The following MLLT6 variants were observed in gnomAD, a reference collection of about 807,000 sequenced individuals.
MLLT6 encodes MLLT6, PHD finger containing, also known as protein AF-17.
Under a neutral mutation model 103.0 loss-of-function variants are expected in MLLT6, and 22 were observed. That is an observed-to-expected ratio of 0.21 (90% CI 0.15 to 0.31). The LOEUF is 0.31. Ranked by LOEUF, MLLT6 falls within the 10% of genes least tolerant of loss-of-function variation. The pLI, the probability that MLLT6 is intolerant of heterozygous loss-of-function variation, is 1.00. For synonymous variants in MLLT6, 606 were observed against 623.5 expected (o/e 0.97, Z 0.42); for missense variants, 1,199 against 1,441.7 (o/e 0.83, Z 2.73).
rs368162508 is a variant in MLLT6 at position 38,709,193 on chromosome 17, G to A, written c.375G>A (p.Glu125=). 3.7e-6 allele frequency: 6 copies of A among 1,611,422 alleles called. No homozygotes were observed. Among genetic ancestry groups the A allele is most frequent in the East Asian group, 2.2e-5 (1 of 44,868 alleles). Residue 125 remains glutamate, a synonymous_variant, in exon 5 of 20, where the codon GAG becomes GAA. Coordinates refer to ENST00000621332, the MANE Select transcript of MLLT6 (RefSeq NM_005937.4). This position sits in a 1 kb window ranked among gnomAD's most constrained non-coding sequence, Gnocchi z 4.3. ...TGCAGACCTGTTACATCTGCGAGGA[G>A]CAGGGCCGGGAGAGCAAGGCGGCCT... ...RFNKTCYICE[E]QGRESKAASG...
At chr17:38,712,884 G>C in intron 8 of MLLT6, 95 bp downstream of exon 8, 1 of 856,154 alleles carries the variant, frequency 1.2e-6, no homozygotes, top group Non-Finnish European at 2.0e-6. Context: ...AGGGACCTGG[G>C]CACCCTCCCC....
intron 10 of MLLT6, 80 bp from the exon 11 acceptor site, chr17:38,717,352 A>T: frequency 8.6e-7 from 1 of 1,164,026 alleles, no homozygotes. Flanking sequence ...CGAGCTGGGG[A>T]GGGGCTGTCA....
chr17:38,721,895 C>T lies in MLLT6; in HGVS notation c.2460C>T (p.Cys820=). 6.3e-7 allele frequency: 1 copy of T among 1,578,544 alleles called. No individual in the cohort carries two copies. ...CTCCCCAGGACCCACACTCAGGCTG[C>T]CCGAGCCGCAGCAGCTCGTCGCTGT... The part of the protein sequence containing the change: ...STSSEDPHSG[C]PSRSSSSLSF... The change falls in exon 17 of 20, where the codon TGC becomes TGT. Residue 820 remains cysteine, a synonymous_variant. Coordinates refer to ENST00000621332, the MANE Select transcript of MLLT6 (RefSeq NM_005937.4).
chr17:38,727,756 C>T lies in MLLT6; in HGVS notation c.*2158C>T, dbSNP rs1447881152. On this transcript the variant is annotated 3_prime_UTR_variant, in exon 20 of 20. Transcript: ENST00000621332. ...GCTGCAGTGAGCCAAGATTGTGCCACTGCACTCCAGCCTGTGTGAGAGAGT... is the reference window on the plus strand; with the variant it reads ...GCTGCAGTGAGCCAAGATTGTGCCATTGCACTCCAGCCTGTGTGAGAGAGT... 3.2e-5 allele frequency: 7 copies of T among 216,660 alleles called. No individual in the cohort carries two copies. Among genetic ancestry groups the T allele is most frequent in the Admixed American group, 1.2e-4 (2 of 17,222 alleles). 13.4% of individuals were successfully genotyped at this position (216,660 alleles called of 1,614,324 possible). A position where few individuals can be genotyped will look rare whatever the true frequency, so the allele number is the denominator to read the frequency against.
rs904229397 is a variant in MLLT6, at chr17:38,719,962, G to C, written c.2155+67G>C. On this transcript the variant is annotated intron_variant, in intron 14 of 19. Coordinates refer to ENST00000621332, the MANE Select transcript of MLLT6 (RefSeq NM_005937.4). Reference sequence around the variant, plus strand: ...CCTAACAGTCACCTTTCTCCCCGAGGTCCCCAAGCTTCTTTAAGGTTCCGC... The same window carrying C: ...CCTAACAGTCACCTTTCTCCCCGAGCTCCCCAAGCTTCTTTAAGGTTCCGC... 6 of 1,486,284 alleles carry C rather than the reference G, an allele frequency of 4.0e-6. No homozygotes were observed. The African/African-American group carries it at 8.4e-5, about 21-fold the overall frequency. The allele number at this position is 1,486,284 out of a possible 1,614,324, so 92.1% of individuals were successfully genotyped here.
rs1208041423 is a variant in MLLT6, at chr17:38,728,224, C to T, written c.*2626C>T. 4.3e-6 allele frequency: 1 copy of T among 233,378 alleles called. No individual in the cohort carries two copies. Among genetic ancestry groups the T allele is most frequent in the East Asian group, 6.0e-5 (1 of 16,592 alleles). The allele number at this position is 233,378 out of a possible 1,614,324, so 14.5% of individuals were successfully genotyped here. A position where few individuals can be genotyped will look rare whatever the true frequency, so the allele number is the denominator to read the frequency against. On this transcript the variant is annotated 3_prime_UTR_variant, in exon 20 of 20. Coordinates refer to ENST00000621332, the MANE Select transcript of MLLT6 (RefSeq NM_005937.4). ...GAGAGAGGTAGTGGCATTTCCTTCTCAGGGAGCTTCAATGGGAAAGGTCTC... is the reference window on the plus strand; with the variant it reads ...GAGAGAGGTAGTGGCATTTCCTTCTTAGGGAGCTTCAATGGGAAAGGTCTC...
Position 38,721,891 on chromosome 17 carries a change from G to T in MLLT6, c.2456G>T (p.Gly819Val), listed in dbSNP as rs773985829. The T allele has an allele frequency of 6.3e-7, 1 of 1,578,622 alleles. No homozygotes were observed. The highest frequency in any genetic ancestry group is 1.7e-5 in the Admixed American group (1 of 57,914). The change falls in exon 17 of 20, where the codon GGC becomes GTC. Residue 819 changes from glycine (G) to valine (V), a missense_variant. Physicochemically the swap from Gly to Val is moderately radical, Grantham distance 109 (BLOSUM62 -3). Transcript: ENST00000621332. ...LSTSSEDPHS[G>V]CPSRSSSSLS... is the part of the protein sequence containing the mutation. ...CTCCCTCCCCAGGACCCACACTCAG[G>T]CTGCCCGAGCCGCAGCAGCTCGTCG...
chr17:38,712,652 GC>G (rs1905184063), intron 7 of MLLT6, 38 bp from the exon 8 acceptor site: 3 of 1,361,398 alleles, frequency 2.2e-6, no homozygotes, highest in Non-Finnish European at 2.1e-6. Context: ...CGCCCAGACA[GC>G]CCCCCAGCAC....
At chr17:38,710,450 T>C (rs1905107695) in intron 6 of MLLT6, among the ~76,000 whole-genome samples, 2 of 152,094 alleles carry the variant, frequency 1.3e-5, no homozygotes, top group Admixed American at 1.3e-4. Context: ...ATTTGTTTTT[T>C]AGGAAGATTA....
At position 38,725,559 on chromosome 17, in the gene MLLT6, C is replaced by A. The variant is rs749505174; in HGVS notation, c.3243C>A (p.Thr1081=). 1.9e-6 allele frequency: 3 copies of A among 1,604,838 alleles called. No individual in the cohort carries two copies. The highest frequency in any genetic ancestry group is 8.5e-7 in the Non-Finnish European group (1 of 1,176,252). ...GGCCTCCCTCCCTCTCTTTCCAGAC[C>A]GCTGACAAAGGAGCCTCAGCCAACC... ...EGSGGGPKGG[T]ADKGASANQE... The change falls in exon 20 of 20, where the codon ACC becomes ACA. Residue 1081 remains threonine, a splice_region_variant and synonymous_variant. Transcript: ENST00000621332.
chr17:38,720,097 G>T, intron 14 of MLLT6: 2 of 794,714 alleles, frequency 2.5e-6, no homozygotes, highest in Non-Finnish European at 3.9e-6. Flanking sequence ...TTTGGCCTTC[G>T]TGGCCTCCGG....
In MLLT6 at chr17:38,725,610, C is replaced by T; in HGVS notation, c.*12C>T. On this transcript the variant is annotated 3_prime_UTR_variant, in exon 20 of 20. Coordinates refer to ENST00000621332, the MANE Select transcript of MLLT6 (RefSeq NM_005937.4). ...AGGAAAAAGGCTAAATCCACCCTTACCCCTCCTGACCCCCCCAAGTGGAGG... is the reference window on the plus strand; with the variant it reads ...AGGAAAAAGGCTAAATCCACCCTTATCCCTCCTGACCCCCCCAAGTGGAGG... The T allele has an allele frequency of 9.5e-6, 15 of 1,573,270 alleles. No individual in the cohort carries two copies. The highest frequency in any genetic ancestry group is 1.3e-5 in the Non-Finnish European group (15 of 1,165,802).
At chr17:38,722,278 TG>T (rs750992969) in intron 17 of MLLT6, 51 bp downstream of exon 17, 357 of 1,304,614 alleles carry the variant, frequency 2.7e-4, no homozygotes, top group Non-Finnish European at 3.4e-4. Context: ...GGGCTGGCTC[TG>T]GGAAGGGAGG....
intron 1 of MLLT6, 197 bp downstream of exon 1, chr17:38,705,938 T>G: frequency 3.9e-6 from 1 of 253,388 alleles, no homozygotes; most frequent in Non-Finnish European, 7.4e-6. Flanking sequence ...TGCCTATTGT[T>G]CCAGTTCCGC....
chr17:38,717,053 C>G, intron 10 of MLLT6, 72 bp downstream of exon 10: 1 of 1,579,242 alleles, frequency 6.3e-7, no homozygotes, highest in South Asian at 1.2e-5. Context: ...CTTACACATG[C>G]ACTTAGAAGG....
In MLLT6 at chr17:38,720,753, C is replaced by T. The variant is rs537011667; in HGVS notation, c.2442+6C>T. ...CGCTGTCCACTTCTTCTGAGGTGGG[C>T]GCTACGAGGAGTGGGGCAGGAAGGA... is the stretch of plus-strand genomic sequence containing the variant. On this transcript the variant is annotated splice_donor_region_variant and intron_variant, in intron 16 of 19. Coordinates refer to ENST00000621332, the MANE Select transcript of MLLT6 (RefSeq NM_005937.4). 1.4e-5 allele frequency: 22 copies of T among 1,613,066 alleles called. No homozygotes were observed. In the South Asian group the frequency reaches 2.0e-4, roughly 14 times the overall value.
chr17:38,712,624 A>G (rs945207464), intron 7 of MLLT6, 67 bp from the exon 8 acceptor site: 5 of 1,035,328 alleles, frequency 4.8e-6, no homozygotes, highest in Non-Finnish European at 7.6e-6. Flanking sequence ...CCCCATACCC[A>G]CATGTCATGT....
chr17:38,727,230 GTTTT>G lies in MLLT6; in HGVS notation c.*1639_*1642del, dbSNP rs949423342. On this transcript the variant is annotated 3_prime_UTR_variant, in exon 20 of 20. Transcript: ENST00000621332. ...ATATTTTTGCCTGTGCTGCTCAACTGTTTTTTTTTTCTGATACTGAAAATAATAT... is the reference window on the plus strand; with the variant it reads ...ATATTTTTGCCTGTGCTGCTCAACTGTTTTTTCTGATACTGAAAATAATAT... The G allele has an allele frequency of 5.1e-6, 1 of 194,326 alleles. No homozygotes were observed. The highest frequency in any genetic ancestry group is 2.4e-5 in the African/African-American group (1 of 41,038). 12.0% of individuals were successfully genotyped at this position (194,326 alleles called of 1,614,324 possible).
At chr17:38,718,064 G>A in intron 12 of MLLT6, 111 bp downstream of exon 12, 1 of 747,908 alleles carries the variant, frequency 1.3e-6, no homozygotes, top group Non-Finnish European at 2.3e-6. Flanking sequence ...CCCTCCCTCT[G>A]GCCATTGCCC....
Sources: gnomAD v4.1 joint callset for allele counts (sites outside exome capture counted in the v4.1 genomes callset) on GRCh38, gnomAD v4.1.1 for gene constraint, Gnocchi (gnomAD v3.1) non-coding constraint, MANE v1.5 for transcripts, NCBI Gene and HGNC (gene_info 2026-07-23, HGNC 2026-07-21) for gene names.